ASIC2: variants seen among roughly 807,000 people sequenced by gnomAD.
ASIC2 encodes the protein acid-sensing ion channel 2.
A neutral mutation model predicts 57.3 loss-of-function variants in ASIC2; 25 were observed. The observed-to-expected ratio is 0.44, with a 90% CI of 0.32 to 0.61. The LOEUF (loss-of-function observed/expected upper bound fraction) is 0.61, where lower values mean the gene tolerates loss of function less well. ASIC2 is among the 20% of genes least tolerant of loss of function. The pLI, the probability that ASIC2 is intolerant of heterozygous loss-of-function variation, is 0.06. For missense variants in ASIC2, 641 were observed against 738.1 expected (o/e 0.87, Z 1.52); for synonymous variants, 319 against 307.5 (o/e 1.04, Z -0.39).
chr17:33,063,806 G>A lies in ASIC2; in HGVS notation c.987+25057C>T, dbSNP rs1210454267. ...TCACTTTCAGGTACACCAATCAGAC[G>A]TAGATTTGGTCTTTTCACATAGTCC... On this transcript the variant is annotated intron_variant, in intron 3 of 9. Transcript: ENST00000225823. 3.9e-5 allele frequency among the ~76,000 whole-genome samples: 6 copies of A among 151,994 alleles called. No individual in the cohort carries two copies. In the East Asian group the frequency reaches 5.8e-4, roughly 15 times the overall value.
chr17:33,583,000 G>A (rs1904492079), intron 1 of ASIC2, among the ~76,000 whole-genome samples: 1 of 151,326 alleles, frequency 6.6e-6, no homozygotes, highest in African/African-American at 2.4e-5. Flanking sequence ...GCTGGGTGGG[G>A]TTGGGCTGGC....
chr17:33,170,832 G>T (rs188168757), intron 1 of ASIC2, among the ~76,000 whole-genome samples: 97 of 152,280 alleles, frequency 6.4e-4, no homozygotes, highest in Non-Finnish European at 1.2e-4. Context: ...CTCTACTTTT[G>T]CTGGAGATCA....
chr17:33,824,530 A>G (rs779618093), intron 1 of ASIC2, among the ~76,000 whole-genome samples: 7 of 152,208 alleles, frequency 4.6e-5, no homozygotes, highest in Non-Finnish European at 5.9e-5. Context: ...CTATTGAAAT[A>G]TCACTCCTGC....
chr17:33,619,741 C>A (rs1282438156), intron 1 of ASIC2, among the ~76,000 whole-genome samples: 1 of 152,118 alleles, frequency 6.6e-6, no homozygotes, highest in Non-Finnish European at 1.5e-5. Context: ...TACAGCAGAG[C>A]TACGTTCTTC....
intron 1 of ASIC2, among the ~76,000 whole-genome samples, chr17:33,827,022 C>T (rs1351693561): frequency 1.3e-5 from 2 of 152,090 alleles, no homozygotes; most frequent in African/African-American, 4.8e-5. Flanking sequence ...ATCTTGAAAG[C>T]ATATAGTTTG....
intron 1 of ASIC2, among the ~76,000 whole-genome samples, chr17:34,068,596 A>G (rs527489263): frequency 6.6e-6 from 1 of 152,332 alleles, no homozygotes; most frequent in African/African-American, 2.4e-5. Context: ...AATGGAGTGG[A>G]ACCAAATGGT....
chr17:34,029,897 C>A (rs1235554946), intron 1 of ASIC2, among the ~76,000 whole-genome samples: 3 of 152,162 alleles, frequency 2.0e-5, no homozygotes, highest in African/African-American at 2.4e-5. Flanking sequence ...CCCTGCCTGG[C>A]AGATTTGATC....
At chr17:33,140,164 G>A (rs1042829357) in intron 1 of ASIC2, among the ~76,000 whole-genome samples, 1 of 152,218 alleles carries the variant, frequency 6.6e-6, no homozygotes, top group East Asian at 1.9e-4. Context: ...CTTCTCAGGT[G>A]AGTCCCGAAG....
chr17:33,509,298 C>T (rs1410751909), intron 1 of ASIC2, among the ~76,000 whole-genome samples: 3 of 152,168 alleles, frequency 2.0e-5, no homozygotes, highest in Non-Finnish European at 4.4e-5. Context: ...CCTCAGATTT[C>T]ACCCCCTTTA....
intron 1 of ASIC2, among the ~76,000 whole-genome samples, chr17:33,531,689 T>A (rs1280627704): frequency 1.3e-5 from 2 of 152,178 alleles, no homozygotes; most frequent in East Asian, 3.9e-4. Context: ...CTAGGGCTTA[T>A]CCCACTGCCA....
At chr17:33,582,097 A>G (rs1904462404) in intron 1 of ASIC2, among the ~76,000 whole-genome samples, 1 of 152,204 alleles carries the variant, frequency 6.6e-6, no homozygotes, top group Non-Finnish European at 1.5e-5. Flanking sequence ...TGACCCACAG[A>G]ACTAGGAGCT....
At chr17:33,372,748 C>G (rs751898817) in intron 1 of ASIC2, among the ~76,000 whole-genome samples, 10 of 152,188 alleles carry the variant, frequency 6.6e-5, no homozygotes, top group Non-Finnish European at 1.2e-4. Context: ...TGGGAGGTAA[C>G]AGCTCCCAGT....
At chr17:34,041,075 G>C (rs761494202) in intron 1 of ASIC2, among the ~76,000 whole-genome samples, 1 of 152,176 alleles carries the variant, frequency 6.6e-6, no homozygotes, top group Non-Finnish European at 1.5e-5. Context: ...TCAACAAGGA[G>C]AAATACCAAA....
At chr17:33,479,199 A>G (rs1913323375) in intron 1 of ASIC2, among the ~76,000 whole-genome samples, 1 of 151,982 alleles carries the variant, frequency 6.6e-6, no homozygotes, top group East Asian at 1.9e-4. Context: ...GGGTTTCTAC[A>G]TATTGGTCAG....
chr17:33,747,325 G>A (rs923999833), intron 1 of ASIC2, among the ~76,000 whole-genome samples: 6 of 149,186 alleles, frequency 4.0e-5, no homozygotes, highest in African/African-American at 7.5e-5. Flanking sequence ...GTGGGCTTAC[G>A]TGATCCTCCC....
At chr17:33,572,397 G>A (rs1916479165) in intron 1 of ASIC2, 1 of 152,186 alleles carries the variant, frequency 6.6e-6, no homozygotes, top group Non-Finnish European at 1.5e-5. Context: ...TGATGTCCAT[G>A]GCCACTACCT....
chr17:33,015,959 A>G lies in ASIC2; in HGVS notation c.1590+12T>C, dbSNP rs2091803454. On this transcript the variant is annotated intron_variant, in intron 9 of 9. Coordinates refer to ENST00000225823, the MANE Select transcript of ASIC2 (RefSeq NM_183377.2). ...GCAGCAGAACAACTTCCAATCAGTG[A>G]GCTGCTCTTACCACATTCTCATCGT... 6 of 1,613,806 alleles carry G rather than the reference A, an allele frequency of 3.7e-6. No individual in the cohort carries two copies. The highest frequency in any genetic ancestry group is 5.1e-6 in the Non-Finnish European group (6 of 1,179,836).
chr17:33,294,019 G>C (rs990828350), upstream of ASIC2, among the ~76,000 whole-genome samples: 2 of 152,112 alleles, frequency 1.3e-5, no homozygotes, highest in Non-Finnish European at 2.9e-5. Context: ...CAGCCTCTTA[G>C]GGACATCCCA....
chr17:34,086,273 T>A (rs1260713097), intron 1 of ASIC2, among the ~76,000 whole-genome samples: 4 of 152,098 alleles, frequency 2.6e-5, no homozygotes. Flanking sequence ...AACATCTTTA[T>A]TTCTGCCTTC....
Sources: gnomAD v4.1 joint callset for allele counts (sites outside exome capture counted in the v4.1 genomes callset) on GRCh38, gnomAD v4.1.1 for gene constraint, MANE v1.5 for transcripts, NCBI Gene and HGNC (gene_info 2026-07-23, HGNC 2026-07-21) for gene names.